The following CADM2 variants were observed in gnomAD, a reference collection of about 807,000 sequenced individuals.
CADM2 encodes cell adhesion molecule 2, also known as immunoglobulin superfamily member 4D.
In CADM2, 12 loss-of-function variants were observed where a neutral mutation model predicts 49.8. The ratio of observed to expected loss-of-function variants is 0.24; its 90% CI spans 0.15 to 0.39. CADM2 has a LOEUF of 0.39. Among genes scored for constraint, CADM2 ranks in the 10% least tolerant of loss-of-function variants. CADM2 has a pLI of 1.00. For missense variants in CADM2, 378 were observed against 492.3 expected (o/e 0.77, Z 2.20); for synonymous variants, 214 against 175.4 (o/e 1.22, Z -1.74).
chr3:85,312,851 A>C (rs935117248), intron 1 of CADM2, among the ~76,000 whole-genome samples: 1 of 152,132 alleles, frequency 6.6e-6, no homozygotes, highest in African/African-American at 2.4e-5. Context: ...CTCTATCCTA[A>C]GGTTTATAGA....
chr3:86,015,005 TA>T, intron 8 of CADM2: 6 of 1,007,676 alleles, frequency 6.0e-6, no homozygotes, highest in Non-Finnish European at 9.4e-6. Flanking sequence ...TGGCTTTGCT[TA>T]ACATAAATTG....
At chr3:85,565,562 T>TA (rs902851108) in intron 1 of CADM2, among the ~76,000 whole-genome samples, 4 of 151,982 alleles carry the variant, frequency 2.6e-5, no homozygotes, top group Non-Finnish European at 5.9e-5. Flanking sequence ...TTTTCCACCA[T>TA]AAAAAAATAC....
At position 85,697,864 on chromosome 3, in the gene CADM2, G is replaced by A. The variant is rs142873350; in HGVS notation, c.62-28658G>A. Reference sequence around the variant, plus strand: ...ATGTAAGCGGGAAAAACAGGGATACGGTGATTTATTTGCTTTTCTACCATG... The same window carrying A: ...ATGTAAGCGGGAAAAACAGGGATACAGTGATTTATTTGCTTTTCTACCATG... On this transcript the variant is annotated intron_variant, in intron 1 of 9. Transcript: ENST00000383699. Among the ~76,000 whole-genome samples, 558 of 152,192 alleles carry A rather than the reference G, an allele frequency of 3.7e-3. 6 individuals carry two copies. The highest frequency in any genetic ancestry group is 0.013 in the African/African-American group (536 of 41,536).
chr3:85,260,089 C>A (rs2042981628), intron 1 of CADM2, among the ~76,000 whole-genome samples: 1 of 151,944 alleles, frequency 6.6e-6, no homozygotes, highest in South Asian at 2.1e-4. Context: ...AAATAATGTT[C>A]TATTGCTCAG....
rs116678720 is a variant in CADM2, at chr3:85,611,653, C to T, written c.62-114869C>T. Among the ~76,000 whole-genome samples the T allele has an allele frequency of 4.2e-3, 641 of 151,630 alleles. 4 individuals are homozygous for T. The highest frequency in any genetic ancestry group is 0.014 in the African/African-American group (600 of 41,398). On this transcript the variant is annotated intron_variant, in intron 1 of 9. Transcript: ENST00000383699. ...AAGAGCTTTGGAGGCTTAACATAGA[C>T]CCACTGTCCCTGAACTATTCCTTGG... is the stretch of plus-strand genomic sequence containing the variant.
intron 1 of CADM2, among the ~76,000 whole-genome samples, chr3:85,064,904 A>G (rs1297659217): frequency 6.6e-6 from 1 of 152,092 alleles, no homozygotes; most frequent in East Asian, 1.9e-4. Context: ...AGTGTGCCTC[A>G]TGAGTTGCAT....
chr3:85,026,282 T>C (rs1559623398), intron 1 of CADM2, among the ~76,000 whole-genome samples: 1 of 152,188 alleles, frequency 6.6e-6, no homozygotes, highest in Non-Finnish European at 1.5e-5. Flanking sequence ...GATTCACTTA[T>C]ATGTTCAAAT....
chr3:85,411,191 A>T (rs2035640821), intron 1 of CADM2, among the ~76,000 whole-genome samples: 1 of 152,172 alleles, frequency 6.6e-6, no homozygotes, highest in Non-Finnish European at 1.5e-5. Flanking sequence ...GTGAAAAAGC[A>T]ATATGACTTC....
chr3:85,021,116 C>CA (rs5850660), intron 1 of CADM2, among the ~76,000 whole-genome samples: 2,743 of 85,522 alleles, frequency 0.032, 77 homozygotes, highest in African/African-American at 0.079. Context: ...GACCCTGTCT[C>CA]AAAAAAAAAA....
At chr3:85,282,281 TC>T (rs1332347189) in intron 1 of CADM2, among the ~76,000 whole-genome samples, 86 of 148,140 alleles carry the variant, frequency 5.8e-4, no homozygotes, top group African/African-American at 1.8e-3. Flanking sequence ...TTTTTTTTTT[TC>T]GGACAGTCTC....
intron 6 of CADM2, among the ~76,000 whole-genome samples, chr3:85,925,342 T>A (rs891860542): frequency 3.3e-5 from 5 of 152,226 alleles, no homozygotes; most frequent in African/African-American, 4.8e-5. Flanking sequence ...GATTTATAAA[T>A]ATTTTTCAAA....
intron 1 of CADM2, among the ~76,000 whole-genome samples, chr3:85,525,546 G>A (rs965708689): frequency 6.6e-6 from 1 of 152,030 alleles, no homozygotes; most frequent in Non-Finnish European, 1.5e-5. Flanking sequence ...GTTGAAATAT[G>A]TTCCTTGGAG....
chr3:85,376,699 T>A (rs545994944), intron 1 of CADM2, among the ~76,000 whole-genome samples: 5 of 152,178 alleles, frequency 3.3e-5, no homozygotes, highest in Admixed American at 2.0e-4. Context: ...TTAAAGGAGA[T>A]CATTGTTTGG....
intron 8 of CADM2, among the ~76,000 whole-genome samples, chr3:86,044,432 T>C (rs1275437346): frequency 6.6e-6 from 1 of 152,202 alleles, no homozygotes; most frequent in Non-Finnish European, 1.5e-5. Flanking sequence ...AAAGAAGACA[T>C]TTATGCAGCC....
At chr3:85,725,161 T>C (rs2067650575) in intron 1 of CADM2, among the ~76,000 whole-genome samples, 1 of 151,960 alleles carries the variant, frequency 6.6e-6, no homozygotes. Context: ...TAAGATGTTT[T>C]TGTCTGGTAA....
intron 8 of CADM2, among the ~76,000 whole-genome samples, chr3:86,057,681 G>T (rs1422054299): frequency 6.6e-6 from 1 of 152,096 alleles, no homozygotes; most frequent in Non-Finnish European, 1.5e-5. Context: ...TAAACTCCTG[G>T]ACTAAATAAT....
At chr3:85,995,853 G>T (rs528796864) in intron 8 of CADM2, among the ~76,000 whole-genome samples, 1 of 152,180 alleles carries the variant, frequency 6.6e-6, no homozygotes, top group African/African-American at 2.4e-5. Context: ...ACTTTGGGAG[G>T]CCAAGGCGGG....
chr3:85,092,293 G>C (rs1005829699), intron 1 of CADM2, among the ~76,000 whole-genome samples: 1 of 152,130 alleles, frequency 6.6e-6, no homozygotes, highest in Non-Finnish European at 1.5e-5. Context: ...TCAGAAAGCA[G>C]ATTTTATTTC....
intron 1 of CADM2, chr3:84,960,443 A>G (rs944341766): frequency 2.6e-5 from 4 of 152,216 alleles, no homozygotes; most frequent in African/African-American, 9.6e-5. Context: ...AACCCACTTT[A>G]TCAACACATT....
Sources: allele counts gnomAD v4.1 joint callset (sites outside exome capture counted in the v4.1 genomes callset), GRCh38; gene constraint gnomAD v4.1.1; transcripts MANE v1.5; gene names NCBI Gene and HGNC (gene_info 2026-07-23, HGNC 2026-07-21).